Variants in ZNF154 observed in about 807,000 individuals in gnomAD.
The protein encoded by ZNF154 is zinc finger protein 154, also known as zinc finger protein 154 (pHZ-92).
A neutral mutation model predicts 7.5 loss-of-function variants in ZNF154; 6 were observed. The ratio of observed to expected loss-of-function variants is 0.80; its 90% CI spans 0.44 to 1.57. The LOEUF (loss-of-function observed/expected upper bound fraction) is 1.57, where lower values mean the gene tolerates loss of function less well. ZNF154 is among the 40% of genes most tolerant of loss of function. ZNF154 has a pLI of 0.01. For synonymous variants in ZNF154, 187 were observed against 185.9 expected (o/e 1.01, Z -0.05); for missense variants, 485 against 531.4 (o/e 0.91, Z 0.86).
Position 57,701,700 on chromosome 19 carries a change from C to G in ZNF154, c.1249G>C (p.Glu417Gln), listed in dbSNP as rs1458869328. 1 of 1,614,170 alleles carries G rather than the reference C, an allele frequency of 6.2e-7. No individual in the cohort carries two copies. The highest frequency in any genetic ancestry group is 1.7e-5 in the Admixed American group (1 of 60,030). ...TTATGGCTAAAGGATTTCCCACATT[C>G]CGTGCACTCATAAGGCTTCTCCCCA... ...HTGEKPYECT[E>Q]CGKSFSHNSS... Residue 417 changes from glutamate to glutamine, a missense_variant, in exon 3 of 3, where the codon GAA becomes CAA. Coordinates refer to ENST00000684351, the MANE Select transcript of ZNF154 (RefSeq NM_001085384.3).
chr19:57,708,435 C>T (rs1345111179), intron 1 of ZNF154, among the ~76,000 whole-genome samples: 5 of 151,972 alleles, frequency 3.3e-5, no homozygotes, highest in Non-Finnish European at 5.9e-5. Flanking sequence ...ACGTTGTAAT[C>T]CCAGCTGCAG....
rs115903356 is a variant in ZNF154 at position 57,708,740 on chromosome 19, A to G, written c.33+199T>C. On this transcript the variant is annotated intron_variant, in intron 1 of 2. Transcript: ENST00000684351. Reference sequence around the variant, plus strand: ...ATTCTCCTGGCTCAGTCGCGCCTCAACCTTTGCACGCGCCGGTTCCTCCGC... The same window carrying G: ...ATTCTCCTGGCTCAGTCGCGCCTCAGCCTTTGCACGCGCCGGTTCCTCCGC... 6.0e-3 allele frequency among the ~76,000 whole-genome samples: 913 copies of G among 152,082 alleles called. 7 individuals are homozygous for G. Among genetic ancestry groups the G allele is most frequent in the African/African-American group, 0.021 (881 of 41,482 alleles).
In ZNF154 at chr19:57,698,054, CAAAT is replaced by C. The variant is rs568233309; in HGVS notation, c.*3577_*3580del. 207 of 152,042 alleles carry C rather than the reference CAAAT, an allele frequency of 1.4e-3. No homozygotes were observed. Among genetic ancestry groups the C allele is most frequent in the African/African-American group, 4.5e-3 (185 of 41,488 alleles). The allele number at this position is 152,042 out of a possible 1,614,324, so 9.4% of individuals were successfully genotyped here. A position where few individuals can be genotyped will look rare whatever the true frequency, so the allele number is the denominator to read the frequency against. ...AAAAAACTACTCAAAATATCCATAACAAATGAATGAATGAATAAACGAATACTGG... is the reference window on the plus strand; with the variant it reads ...AAAAAACTACTCAAAATATCCATAACGAATGAATGAATAAACGAATACTGG... On this transcript the variant is annotated 3_prime_UTR_variant, in exon 3 of 3. Coordinates refer to ENST00000684351, the MANE Select transcript of ZNF154 (RefSeq NM_001085384.3).
rs1240576328 is a variant in ZNF154, at chr19:57,701,041, ACT to A, written c.*592_*593del. ...CAGTTGGTGATTTGAAGGCTGGCAAACTCTATCAAGAGTCATGTGAGACCAAC... is the reference window on the plus strand; with the variant it reads ...CAGTTGGTGATTTGAAGGCTGGCAAACTATCAAGAGTCATGTGAGACCAAC... On this transcript the variant is annotated 3_prime_UTR_variant, in exon 3 of 3. Transcript: ENST00000684351. The A allele has an allele frequency of 1.3e-5, 2 of 153,282 alleles. No individual in the cohort carries two copies. Among genetic ancestry groups the A allele is most frequent in the African/African-American group, 2.4e-5 (1 of 41,512 alleles). 9.5% of individuals were successfully genotyped at this position (153,282 alleles called of 1,614,324 possible). A position where few individuals can be genotyped will look rare whatever the true frequency, so the allele number is the denominator to read the frequency against.
At chr19:57,707,113 CAAAA>C (rs1282058157) in intron 1 of ZNF154, among the ~76,000 whole-genome samples, 1 of 94,296 alleles carries the variant, frequency 1.1e-5, no homozygotes, top group South Asian at 3.4e-4. Flanking sequence ...CACTCCATCT[CAAAA>C]AAAAAAAAAA....
In ZNF154 at chr19:57,701,686, G is replaced by A; in HGVS notation, c.1263C>T (p.Ser421=). 6.2e-7 allele frequency: 1 copy of A among 1,614,048 alleles called. No homozygotes were observed. Among genetic ancestry groups the A allele is most frequent in the East Asian group, 2.2e-5 (1 of 44,872 alleles). Reference sequence around the variant, plus strand: ...TAATAAGGCTGGAGTTATGGCTAAAGGATTTCCCACATTCCGTGCACTCAT... The same window carrying A: ...TAATAAGGCTGGAGTTATGGCTAAAAGATTTCCCACATTCCGTGCACTCAT... ...KPYECTECGK[S]FSHNSSLIKH... Residue 421 remains serine (S), a synonymous_variant, in exon 3 of 3, where the codon TCC becomes TCT. Transcript: ENST00000684351.
In ZNF154 at chr19:57,702,353, C is replaced by T. The variant is rs760055631; in HGVS notation, c.596G>A (p.Arg199Lys). 1.9e-6 allele frequency: 3 copies of T among 1,612,884 alleles called. No individual in the cohort carries two copies. The highest frequency in any genetic ancestry group is 2.5e-6 in the Non-Finnish European group (3 of 1,178,966). ...YECRECGKSF[R>K]QSSSLIQHRR... ...GTGCTGAATGAGACTAGAGCTTTGC[C>T]TAAAGGACTTCCCACACTCTCGACA... The change falls in exon 3 of 3, where the codon AGG becomes AAG. Residue 199 changes from arginine (R) to lysine (K), a missense_variant. Transcript: ENST00000684351.
At position 57,702,631 on chromosome 19, in the gene ZNF154, A is replaced by T. The variant is rs374745071; in HGVS notation, c.318T>A (p.His106Gln). ...GCTCCCCAGTGTGAGCAGCCTGTTG[A>T]TGGAGAAATCCCAACTTGGCCAGGA... ...KDFLAKLGFL[H>Q]QQAAHTGEQS... The change falls in exon 3 of 3, where the codon CAT becomes CAA. Residue 106 changes from histidine (H) to glutamine (Q), a missense_variant. Coordinates refer to ENST00000684351, the MANE Select transcript of ZNF154 (RefSeq NM_001085384.3). 3.1e-6 allele frequency: 5 copies of T among 1,613,250 alleles called. No individual in the cohort carries two copies. The South Asian group carries it at 5.5e-5, about 18-fold the overall frequency.
chr19:57,699,384 C>G lies in ZNF154; in HGVS notation c.*2251G>C, dbSNP rs1362474393. ...TACAGGCGTGAGCCACCGCACCCGG[C>G]TGAGATTTTCTTACTTGAGTTCCCA... On this transcript the variant is annotated 3_prime_UTR_variant, in exon 3 of 3. Transcript: ENST00000684351. 4.3e-6 allele frequency: 1 copy of G among 230,864 alleles called. No individual in the cohort carries two copies. The highest frequency in any genetic ancestry group is 9.2e-6 in the Non-Finnish European group (1 of 108,750). The allele number at this position is 230,864 out of a possible 1,614,324, so 14.3% of individuals were successfully genotyped here.
chr19:57,708,878 C>CT (rs1985510355), intron 1 of ZNF154, 61 bp downstream of exon 1: 27 of 1,541,220 alleles, frequency 1.8e-5, no homozygotes, highest in Non-Finnish European at 2.2e-5. Flanking sequence ...GCGCCCCTCA[C>CT]TGATGGCTTT....
In ZNF154 at chr19:57,696,614, C is replaced by G. The variant is rs971927764; in HGVS notation, c.*5021G>C. On this transcript the variant is annotated 3_prime_UTR_variant, in exon 3 of 3. Coordinates refer to ENST00000684351, the MANE Select transcript of ZNF154 (RefSeq NM_001085384.3). ...CCGGAAGTGCTGCAAGCACCAAGAC[C>G]CAGGGTGGTAACTTGCAGGGGGAGG... 3.3e-5 allele frequency among the ~76,000 whole-genome samples: 5 copies of G among 152,248 alleles called. No homozygotes were observed. Among genetic ancestry groups the G allele is most frequent in the African/African-American group, 4.8e-5 (2 of 41,550 alleles).
chr19:57,697,465 A>T lies in ZNF154; in HGVS notation c.*4170T>A, dbSNP rs1344155627. 6.6e-6 allele frequency: 1 copy of T among 152,238 alleles called. No homozygotes were observed. The highest frequency in any genetic ancestry group is 1.5e-5 in the Non-Finnish European group (1 of 68,040). 9.4% of individuals were successfully genotyped at this position (152,238 alleles called of 1,614,324 possible). On this transcript the variant is annotated 3_prime_UTR_variant, in exon 3 of 3. Coordinates refer to ENST00000684351, the MANE Select transcript of ZNF154 (RefSeq NM_001085384.3). The stretch of plus-strand genomic sequence containing the variant: ...TGTAGGTTACAGACTTATGAGATAC[A>T]ACTACTGAAAGCTATTAAATATACA...
At chr19:57,702,915 G>T in intron 2 of ZNF154, 127 bp from the exon 3 acceptor site, 1 of 848,744 alleles carries the variant, frequency 1.2e-6, no homozygotes, top group Non-Finnish European at 1.8e-6. Flanking sequence ...TCACAGTGGT[G>T]GGCCTTCTAG....
In ZNF154 at chr19:57,701,881, A is replaced by C. The variant is rs967125727; in HGVS notation, c.1068T>G (p.Pro356=). The C allele has an allele frequency of 1.2e-6, 2 of 1,613,926 alleles. No individual in the cohort carries two copies. The highest frequency in any genetic ancestry group is 2.7e-5 in the African/African-American group (2 of 74,952). ...QHRGVHTGER[P]YECSECGKFF... is the part of the protein sequence containing the mutation. ...ACTTCCCACATTCACTGCACTCATAAGGCCTCTCCCCAGTGTGAACTCCCC... is the reference window on the plus strand; with the variant it reads ...ACTTCCCACATTCACTGCACTCATACGGCCTCTCCCCAGTGTGAACTCCCC... The change falls in exon 3 of 3, where the codon CCT becomes CCG. Residue 356 remains proline (P), a synonymous_variant. Coordinates refer to ENST00000684351, the MANE Select transcript of ZNF154 (RefSeq NM_001085384.3).
intron 2 of ZNF154, among the ~76,000 whole-genome samples, chr19:57,704,377 A>C (rs1985302025): frequency 6.6e-6 from 1 of 152,206 alleles, no homozygotes; most frequent in Non-Finnish European, 1.5e-5. Context: ...GCCCACAGGA[A>C]AAACACACAC....
At chr19:57,705,013 G>A in intron 1 of ZNF154, 34 bp from the exon 2 acceptor site, 1 of 1,584,104 alleles carries the variant, frequency 6.3e-7, no homozygotes. Context: ...ACCACCAAGA[G>A]CCCCTATCCC....
At chr19:57,708,815 C>T (rs1985506915) in intron 1 of ZNF154, 124 bp downstream of exon 1, 1 of 1,307,746 alleles carries the variant, frequency 7.6e-7, no homozygotes, top group Non-Finnish European at 1.1e-6. Flanking sequence ...AAAAAGGGCC[C>T]CACCCACGAA....
rs1419693509 is a variant in ZNF154, at chr19:57,701,422, C to T, written c.*213G>A. ...TGCAGATGTTCAGATATAGGATGTT[C>T]AATTCAGGCTGATGCCACCCTCATA... is the stretch of plus-strand genomic sequence containing the variant. On this transcript the variant is annotated 3_prime_UTR_variant, in exon 3 of 3. Transcript: ENST00000684351. The T allele has an allele frequency of 1.7e-6, 1 of 588,396 alleles. No homozygotes were observed. The highest frequency in any genetic ancestry group is 3.0e-5 in the Admixed American group (1 of 33,206). The allele number at this position is 588,396 out of a possible 1,614,324, so 36.4% of individuals were successfully genotyped here.
chr19:57,704,456 A>G (rs989259182), intron 2 of ZNF154, among the ~76,000 whole-genome samples: 2 of 152,242 alleles, frequency 1.3e-5, no homozygotes, highest in Non-Finnish European at 2.9e-5. Flanking sequence ...CTACATAAGT[A>G]GTGACCATGT....
Sources: allele counts gnomAD v4.1 joint callset (sites outside exome capture counted in the v4.1 genomes callset), GRCh38; gene constraint gnomAD v4.1.1; transcripts MANE v1.5; gene names NCBI Gene and HGNC (gene_info 2026-07-23, HGNC 2026-07-21).